The following SARNP variants were observed in gnomAD, a reference collection of about 807,000 sequenced individuals.
SARNP encodes SAP domain containing ribonucleoprotein.
In SARNP, 5 loss-of-function variants were observed where a neutral mutation model predicts 38.1. The observed-to-expected ratio is 0.13, with a 90% CI of 0.07 to 0.28. SARNP has a LOEUF of 0.28. Ranked by LOEUF, SARNP falls within the 10% of genes least tolerant of loss-of-function variation. The probability of loss-of-function intolerance (pLI) is 1.00; values close to 1 mark genes in which losing one functional copy is unlikely to be tolerated. For missense variants in SARNP, 180 were observed against 243.9 expected (o/e 0.74, Z 1.75); for synonymous variants, 84 against 80.6 (o/e 1.04, Z -0.23).
intron 1 of SARNP, among the ~76,000 whole-genome samples, chr12:55,810,579 A>G (rs1880297009): frequency 6.6e-6 from 1 of 150,628 alleles, no homozygotes; most frequent in African/African-American, 2.4e-5. Context: ...CAGCCTCTCC[A>G]GTAGCTGGAA....
chr12:55,794,433 C>T (rs746768360), intron 6 of SARNP, 46 bp from the exon 7 acceptor site: 2 of 1,560,060 alleles, frequency 1.3e-6, no homozygotes, highest in South Asian at 1.2e-5. Flanking sequence ...TGTTCACACT[C>T]CTGGTTTGTC....
chr12:55,774,005 GC>G (rs533654033), intron 9 of SARNP, among the ~76,000 whole-genome samples: 3 of 150,152 alleles, frequency 2.0e-5, no homozygotes, highest in African/African-American at 4.9e-5. Flanking sequence ...AATGCACCTG[GC>G]CCTTTTTTCT....
At chr12:55,765,416 C>T (rs961700100) in intron 9 of SARNP, among the ~76,000 whole-genome samples, 15 of 152,116 alleles carry the variant, frequency 9.9e-5, no homozygotes, top group Admixed American at 4.6e-4. Context: ...ATGATCATGG[C>T]TCACTGTAAT....
chr12:55,809,520 C>T (rs1880261047), intron 1 of SARNP, among the ~76,000 whole-genome samples: 1 of 151,524 alleles, frequency 6.6e-6, no homozygotes, highest in South Asian at 2.1e-4. Context: ...TTTGGGAGGT[C>T]GACGCAGGAG....
chr12:55,787,218 T>C (rs1592569399), intron 9 of SARNP, among the ~76,000 whole-genome samples: 1 of 143,956 alleles, frequency 6.9e-6, no homozygotes, highest in Non-Finnish European at 1.5e-5. Context: ...GGTGTCAGAG[T>C]GAGAACTTGT....
At chr12:55,811,808 C>A (rs1880336905) in intron 1 of SARNP, among the ~76,000 whole-genome samples, 1 of 152,154 alleles carries the variant, frequency 6.6e-6, no homozygotes. Context: ...ATATCAAAGG[C>A]TAATTCACTT....
chr12:55,804,069 A>G (rs187089703), intron 1 of SARNP, among the ~76,000 whole-genome samples: 175 of 152,356 alleles, frequency 1.1e-3, no homozygotes, highest in African/African-American at 4.1e-3. Flanking sequence ...TGTGGCAGCC[A>G]GCATATTGGA....
chr12:55,768,824 A>C (rs1878923775), intron 9 of SARNP, among the ~76,000 whole-genome samples: 1 of 151,490 alleles, frequency 6.6e-6, no homozygotes, highest in Non-Finnish European at 1.5e-5. Context: ...CCTGGGTTTA[A>C]GCGATTCTCC....
At chr12:55,760,525 A>G (rs780746190) in intron 10 of SARNP, 26 bp downstream of exon 10, 3 of 1,313,528 alleles carry the variant, frequency 2.3e-6, no homozygotes, top group Non-Finnish European at 3.3e-6. Context: ...TTCAAGGTCT[A>G]TGAAGCGTTC....
intron 1 of SARNP, among the ~76,000 whole-genome samples, chr12:55,808,664 G>A (rs1880229328): frequency 6.6e-6 from 1 of 151,978 alleles, no homozygotes; most frequent in African/African-American, 2.4e-5. Flanking sequence ...GGGAAGCTGA[G>A]GTGGGAGGAA....
At chr12:55,769,608 G>A (rs1298903887) in intron 9 of SARNP, among the ~76,000 whole-genome samples, 2 of 152,178 alleles carry the variant, frequency 1.3e-5, no homozygotes, top group African/African-American at 4.8e-5. Flanking sequence ...CCAAATGTGT[G>A]GCCTACCTTT....
At chr12:55,755,964 C>T (rs1878494785), downstream of SARNP, 1 of 152,106 alleles carries the variant, frequency 6.6e-6, no homozygotes, top group South Asian at 2.1e-4. Context: ...AAAAGATCCA[C>T]TGTTCCACTT....
chr12:55,761,215 C>A (rs948152648), intron 9 of SARNP, among the ~76,000 whole-genome samples: 1 of 151,404 alleles, frequency 6.6e-6, no homozygotes, highest in African/African-American at 2.4e-5. Context: ...GTAAGAAACA[C>A]CCATAAAACA....
At chr12:55,761,341 G>C (rs1361553373) in intron 9 of SARNP, among the ~76,000 whole-genome samples, 3 of 152,136 alleles carry the variant, frequency 2.0e-5, no homozygotes, top group Non-Finnish European at 4.4e-5. Context: ...CAAACTACTT[G>C]TTGAACAATG....
At chr12:55,775,462 G>A (rs1359445463) in intron 9 of SARNP, among the ~76,000 whole-genome samples, 1 of 126,102 alleles carries the variant, frequency 7.9e-6, no homozygotes, top group Non-Finnish European at 1.7e-5. Context: ...TCAGGAGGCT[G>A]AGGCAGGAGA....
chr12:55,792,168 A>C (rs1439185150), intron 7 of SARNP, among the ~76,000 whole-genome samples: 1 of 152,180 alleles, frequency 6.6e-6, no homozygotes, highest in African/African-American at 2.4e-5. Context: ...GATGCAACTA[A>C]GAGCCAGAAA....
At chr12:55,760,856 C>A in intron 9 of SARNP, 1 of 498,950 alleles carries the variant, frequency 2.0e-6, no homozygotes. Context: ...GGCAGGGCCT[C>A]AATACTCATA....
At chr12:55,777,896 C>T (rs1458291818) in intron 9 of SARNP, among the ~76,000 whole-genome samples, 1 of 152,162 alleles carries the variant, frequency 6.6e-6, no homozygotes, top group Non-Finnish European at 1.5e-5. Context: ...TCCATTCTGC[C>T]TCTTTGCTCT....
chr12:55,787,837 C>G, intron 9 of SARNP, among the ~76,000 whole-genome samples: 1 of 152,040 alleles, frequency 6.6e-6, no homozygotes, highest in East Asian at 1.9e-4. Flanking sequence ...CAAGCTCCCC[C>G]TCCCAGGTTC....
Sources: allele counts gnomAD v4.1 joint callset (sites outside exome capture counted in the v4.1 genomes callset), GRCh38; gene constraint gnomAD v4.1.1; transcripts MANE v1.5; gene names NCBI Gene and HGNC (gene_info 2026-07-23, HGNC 2026-07-21).